Variants in TAS1R1 observed in about 807,000 individuals in gnomAD.
The protein encoded by TAS1R1 is taste 1 receptor member 1, also known as taste receptor type 1 member 1.
In TAS1R1, 31 loss-of-function variants were observed where a neutral mutation model predicts 45.8. The observed-to-expected ratio is 0.68, with a 90% CI of 0.51 to 0.91. The LOEUF is 0.91. Among genes scored for constraint, TAS1R1 ranks in the 40% least tolerant of loss-of-function variants. The pLI is 0.00. For missense variants in TAS1R1, 1,051 were observed against 1,063.9 expected, an observed-to-expected ratio of 0.99 and a Z score of 0.17; for synonymous variants, 437 against 448.4, an observed-to-expected ratio of 0.97 and a Z score of 0.32.
At chr1:6,564,625 G>A (rs577994056) in intron 1 of TAS1R1, among the ~76,000 whole-genome samples, 7 of 152,216 alleles carry the variant, frequency 4.6e-5, no homozygotes, top group South Asian at 2.1e-4. Context: ...ATATGGAGGC[G>A]CCACTGGACG....
At position 6,555,563 on chromosome 1, in the gene TAS1R1, A is replaced by G. The variant is rs1225972133; in HGVS notation, c.190A>G (p.Arg64Gly). The G allele has an allele frequency of 3.9e-6, 6 of 1,544,616 alleles. No homozygotes were observed. The highest frequency in any genetic ancestry group is 5.3e-6 in the Non-Finnish European group (6 of 1,141,410). ...CAGACCCGAGGTGACCCTGTGTGACAGGTGAGTGAGGGGCCAGCAGAGCCA... is the reference window on the plus strand; with the variant it reads ...CAGACCCGAGGTGACCCTGTGTGACGGGTGAGTGAGGGGCCAGCAGAGCCA... ...RHRPEVTLCD[R>G]SCSFNEHGYH... Residue 64 changes from arginine to glycine, a missense_variant and splice_region_variant, in exon 1 of 6, where the codon AGG becomes GGG. Transcript: ENST00000333172.
intron 1 of TAS1R1, among the ~76,000 whole-genome samples, chr1:6,569,443 C>T (rs182812169): frequency 3.3e-5 from 5 of 152,262 alleles, no homozygotes; most frequent in African/African-American, 1.2e-4. Context: ...GTGCCATTTT[C>T]GGGCCATTGG....
intron 5 of TAS1R1, among the ~76,000 whole-genome samples, chr1:6,577,935 T>C (rs1640227647): frequency 1.3e-5 from 2 of 152,350 alleles, no homozygotes; most frequent in South Asian, 4.1e-4. Flanking sequence ...AGTCGTATCC[T>C]GAATTCAACC....
intron 1 of TAS1R1, among the ~76,000 whole-genome samples, chr1:6,569,135 A>G (rs1160119137): frequency 1.8e-5 from 2 of 110,850 alleles, no homozygotes; most frequent in African/African-American, 7.2e-5. Flanking sequence ...GGGGCAGAAC[A>G]GGAACGGGGA....
intron 3 of TAS1R1, 49 bp from the exon 4 acceptor site, chr1:6,576,366 T>A (rs757844260): frequency 2.5e-6 from 4 of 1,590,924 alleles, no homozygotes; most frequent in Admixed American, 3.3e-5. Flanking sequence ...TCTGGGACCA[T>A]GTGGGTCTGT....
At position 6,558,056 on chromosome 1, in the gene TAS1R1, T is replaced by G. The variant is rs1163435515; in HGVS notation, c.191+2492T>G. 5.0e-3 allele frequency among the ~76,000 whole-genome samples: 758 copies of G among 150,988 alleles called. 8 individuals are homozygous for G. The highest frequency in any genetic ancestry group is 8.1e-3 in the Non-Finnish European group (550 of 67,738). On this transcript the variant is annotated intron_variant, in intron 1 of 5. Coordinates refer to ENST00000333172, the MANE Select transcript of TAS1R1 (RefSeq NM_138697.4). The stretch of plus-strand genomic sequence containing the variant: ...GGTTAGTTTTTGTTTTTGTTTTTGT[T>G]TTTTTTCTGAGACAGGGTCTTCCTC...
At chr1:6,576,769 AG>A (rs1640190046) in intron 4 of TAS1R1, 142 bp downstream of exon 4, 2 of 1,380,168 alleles carry the variant, frequency 1.4e-6, no homozygotes, top group African/African-American at 2.9e-5. Context: ...TGGCCAGGGA[AG>A]CAGGGAAGAC....
chr1:6,577,114 G>T (rs1354525910), intron 5 of TAS1R1, 44 bp downstream of exon 5: 1 of 1,611,574 alleles, frequency 6.2e-7, no homozygotes, highest in East Asian at 2.2e-5. Context: ...CACTCCCGGG[G>T]GCTGCACGGT....
chr1:6,564,332 G>A lies in TAS1R1; in HGVS notation c.192-6577G>A, dbSNP rs1206160947. 4.6e-5 allele frequency among the ~76,000 whole-genome samples: 7 copies of A among 152,120 alleles called. No individual in the cohort carries two copies. The South Asian group carries it at 1.0e-3, about 23-fold the overall frequency. ...CATGGGGTTTTGGGAGGGCCTGGTC[G>A]GCTTGTTCGTGGAGAAGATGGTGGA... is the stretch of plus-strand genomic sequence containing the variant. On this transcript the variant is annotated intron_variant, in intron 1 of 5. Coordinates refer to ENST00000333172, the MANE Select transcript of TAS1R1 (RefSeq NM_138697.4).
intron 1 of TAS1R1, among the ~76,000 whole-genome samples, chr1:6,567,632 A>T (rs1417469089): frequency 6.6e-6 from 1 of 151,112 alleles, no homozygotes; most frequent in Non-Finnish European, 1.5e-5. Context: ...TGCTGCATTG[A>T]TGGCAGTTTG....
intron 4 of TAS1R1, 143 bp downstream of exon 4, chr1:6,576,770 G>A (rs1216330219): frequency 7.2e-7 from 1 of 1,389,676 alleles, no homozygotes; most frequent in East Asian, 2.4e-5. Flanking sequence ...GGCCAGGGAA[G>A]CAGGGAAGAC....
chr1:6,571,609 C>T (rs145599536), intron 2 of TAS1R1, among the ~76,000 whole-genome samples: 3,147 of 152,242 alleles, frequency 0.021, 52 homozygotes, highest in Middle Eastern at 0.071. Flanking sequence ...CTCTTGAGGC[C>T]AGGAGTTCGA....
intron 4 of TAS1R1, 109 bp from the exon 5 acceptor site, chr1:6,576,841 C>T (rs1409784532): frequency 6.4e-7 from 1 of 1,564,150 alleles, no homozygotes; most frequent in African/African-American, 1.4e-5. Flanking sequence ...GGGGCCCTGC[C>T]CTGGGAGTGA....
Position 6,579,188 on chromosome 1 carries a change from G to A in TAS1R1, c.2130G>A (p.Gln710=). 3 of 1,614,172 alleles carry A rather than the reference G, an allele frequency of 1.9e-6. 1 individual carries two copies. The African/African-American group carries it at 4.0e-5, about 22-fold the overall frequency. Residue 710 remains glutamine (Q), a synonymous_variant, in exon 6 of 6, where the codon CAG becomes CAA. Transcript: ENST00000333172. ...VWTPLPAREY[Q]RFPHLVMLEC... ...CCCCACTGCCTGCTAGGGAATACCAGCGCTTCCCCCATCTGGTGATGCTTG... is the reference window on the plus strand; with the variant it reads ...CCCCACTGCCTGCTAGGGAATACCAACGCTTCCCCCATCTGGTGATGCTTG...
intron 1 of TAS1R1, among the ~76,000 whole-genome samples, chr1:6,563,362 G>A (rs1269967169): frequency 6.6e-6 from 1 of 152,206 alleles, no homozygotes; most frequent in Non-Finnish European, 1.5e-5. Context: ...GCGGCCACAG[G>A]GCCGTGAATG....
chr1:6,572,099 T>C lies in TAS1R1; in HGVS notation c.498+884T>C, dbSNP rs148523632. 3.4e-3 allele frequency among the ~76,000 whole-genome samples: 512 copies of C among 152,202 alleles called. 6 individuals carry two copies. The East Asian group carries it at 0.036, about 11-fold the overall frequency. Reference sequence around the variant, plus strand: ...CTTCCAGGCCCTCTACCCTGAGCACTGACTCCCTGCCCCTTCCCATGGGAG... The same window carrying C: ...CTTCCAGGCCCTCTACCCTGAGCACCGACTCCCTGCCCCTTCCCATGGGAG... On this transcript the variant is annotated intron_variant, in intron 2 of 5. Transcript: ENST00000333172.
chr1:6,576,755 A>C lies in TAS1R1; in HGVS notation c.1473+128A>C. ...GGGTCCAGCTGCCACCACTCTACCCATCCTGGCCAGGGAAGCAGGGAAGAC... is the reference window on the plus strand; with the variant it reads ...GGGTCCAGCTGCCACCACTCTACCCCTCCTGGCCAGGGAAGCAGGGAAGAC... On this transcript the variant is annotated intron_variant, in intron 4 of 5. Coordinates refer to ENST00000333172, the MANE Select transcript of TAS1R1 (RefSeq NM_138697.4). The C allele has an allele frequency of 2.2e-6, 3 of 1,379,180 alleles. No homozygotes were observed. The South Asian group carries it at 3.9e-5, about 18-fold the overall frequency. 85.4% of individuals were successfully genotyped at this position (1,379,180 alleles called of 1,614,324 possible). A position where few individuals can be genotyped will look rare whatever the true frequency, so the allele number is the denominator to read the frequency against.
intron 3 of TAS1R1, 81 bp from the exon 4 acceptor site, chr1:6,576,334 A>G: frequency 2.9e-6 from 4 of 1,397,486 alleles, no homozygotes; most frequent in Non-Finnish European, 4.0e-6. Context: ...ACGGAAACCC[A>G]GGAAGGCCCC....
In TAS1R1 at chr1:6,574,971, C is replaced by T; in HGVS notation, c.839C>T (p.Ala280Val). The T allele has an allele frequency of 6.2e-7, 1 of 1,606,602 alleles. No homozygotes were observed. The highest frequency in any genetic ancestry group is 8.5e-7 in the Non-Finnish European group (1 of 1,175,112). ...GTTGTTTTTTCCAGCCGGCAGTTGG[C>T]CAGGGTGTTTTTCGAGTCCGTGGTG... ...VVVVFSSRQL[A>V]RVFFESVVLT... The change falls in exon 3 of 6, where the codon GCC (alanine) becomes GTC (valine). Residue 280 changes from alanine (A) to valine (V), a missense_variant. Ala to Val is a moderately conservative substitution (Grantham distance 64). Coordinates refer to ENST00000333172, the MANE Select transcript of TAS1R1 (RefSeq NM_138697.4). The surrounding 1 kb of genome is among the most constrained non-coding windows in gnomAD (Gnocchi z 4.3).
Sources: allele counts gnomAD v4.1 joint callset (sites outside exome capture counted in the v4.1 genomes callset), GRCh38; gene constraint gnomAD v4.1.1; non-coding constraint Gnocchi (gnomAD v3.1); transcripts MANE v1.5; gene names NCBI Gene and HGNC (gene_info 2026-07-23, HGNC 2026-07-21).